Variants in ROBO2 observed in about 807,000 individuals in gnomAD.
ROBO2 encodes roundabout homolog 2.
ROBO2 carries 53 observed loss-of-function variants against 160.8 expected under a neutral mutation model. That is an observed-to-expected ratio of 0.33 (90% CI 0.26 to 0.41). ROBO2 has a LOEUF of 0.41. Among genes scored for constraint, ROBO2 ranks in the 10% least tolerant of loss-of-function variants. ROBO2 has a pLI of 1.00. For synonymous variants in ROBO2, 664 were observed against 611.7 expected (o/e 1.09, Z -1.26); for missense variants, 1,577 against 1,722.4 (o/e 0.92, Z 1.49).
chr3:76,873,585 C>A (rs377184964), intron 2 of ROBO2, among the ~76,000 whole-genome samples: 10 of 151,960 alleles, frequency 6.6e-5, no homozygotes, highest in East Asian at 5.8e-4. Flanking sequence ...TCGTCGTCGT[C>A]GTCGTTGTCG....
chr3:76,075,530 T>C (rs1484774960), intron 2 of ROBO2, among the ~76,000 whole-genome samples: 2 of 151,880 alleles, frequency 1.3e-5, no homozygotes, highest in East Asian at 3.9e-4. Context: ...AAAGCATAGA[T>C]GTGCTATTTG....
At chr3:76,741,124 A>G (rs2093795464) in intron 2 of ROBO2, among the ~76,000 whole-genome samples, 2 of 151,966 alleles carry the variant, frequency 1.3e-5, no homozygotes, top group Non-Finnish European at 2.9e-5. Context: ...TTTGGTGGGG[A>G]CTCGGTTTAT....
intron 2 of ROBO2, among the ~76,000 whole-genome samples, chr3:77,256,867 G>A (rs2058451708): frequency 6.6e-6 from 1 of 152,104 alleles, no homozygotes; most frequent in Non-Finnish European, 1.5e-5. Context: ...TTTGGAAAGT[G>A]GTCTCCAAAT....
intron 2 of ROBO2, among the ~76,000 whole-genome samples, chr3:75,947,026 G>T (rs979928586): frequency 2.0e-5 from 3 of 152,022 alleles, no homozygotes; most frequent in Non-Finnish European, 4.4e-5. Context: ...GAGAAAATCA[G>T]TTGAGATTGG....
intron 2 of ROBO2, among the ~76,000 whole-genome samples, chr3:76,369,466 TA>T (rs1437067072): frequency 1.3e-5 from 2 of 151,972 alleles, no homozygotes; most frequent in African/African-American, 4.8e-5. Context: ...ATAACCCCTT[TA>T]TGCTGATGAC....
intron 2 of ROBO2, among the ~76,000 whole-genome samples, chr3:76,702,944 C>T (rs1161156767): frequency 6.6e-6 from 1 of 152,064 alleles, no homozygotes; most frequent in Non-Finnish European, 1.5e-5. Flanking sequence ...CTAGAAAATA[C>T]ACTTAATCTT....
In ROBO2 at chr3:76,866,558, T is replaced by C. The variant is rs143029419; in HGVS notation, c.110-231456T>C. The stretch of plus-strand genomic sequence containing the variant: ...TAATCCATTTGGGAACTAATAATGA[T>C]AAATTCAGCACTATCCAAGACTCCA... On this transcript the variant is annotated intron_variant, in intron 2 of 26. Transcript: ENST00000487694. Among the ~76,000 whole-genome samples, 941 of 152,228 alleles carry C rather than the reference T, an allele frequency of 6.2e-3. 8 individuals carry two copies. The highest frequency in any genetic ancestry group is 0.022 in the African/African-American group (910 of 41,542).
chr3:76,883,444 T>G (rs1239887871), intron 2 of ROBO2, among the ~76,000 whole-genome samples: 1 of 152,156 alleles, frequency 6.6e-6, no homozygotes, highest in Non-Finnish European at 1.5e-5. Flanking sequence ...ATAAAAACAA[T>G]CTACTGACTT....
chr3:76,548,850 T>C (rs905428098), intron 2 of ROBO2, among the ~76,000 whole-genome samples: 8 of 152,120 alleles, frequency 5.3e-5, no homozygotes, highest in Non-Finnish European at 1.2e-4. Flanking sequence ...CAGAAAAATG[T>C]ATGACCGTGG....
chr3:77,488,466 C>A (rs2085655555), intron 4 of ROBO2, among the ~76,000 whole-genome samples: 1 of 152,090 alleles, frequency 6.6e-6, no homozygotes. Context: ...AAATCAGTGA[C>A]CTTGTTTTGA....
chr3:77,224,276 G>A (rs969392781), intron 2 of ROBO2, among the ~76,000 whole-genome samples: 3 of 152,028 alleles, frequency 2.0e-5, no homozygotes, highest in East Asian at 3.9e-4. Context: ...TGTCCCAATC[G>A]AAAGGCATTG....
intron 2 of ROBO2, among the ~76,000 whole-genome samples, chr3:76,586,267 T>C (rs911375131): frequency 6.6e-6 from 1 of 152,234 alleles, no homozygotes; most frequent in African/African-American, 2.4e-5. Context: ...TTCATGTAGG[T>C]TGTATTTTAC....
At chr3:77,220,231 C>T (rs765517371) in intron 2 of ROBO2, among the ~76,000 whole-genome samples, 23 of 152,018 alleles carry the variant, frequency 1.5e-4, no homozygotes, top group Admixed American at 3.3e-4. Context: ...AGGCTGGTCT[C>T]GAACTCCTGA....
intron 2 of ROBO2, among the ~76,000 whole-genome samples, chr3:77,270,000 G>A (rs1268359609): frequency 6.6e-6 from 1 of 152,120 alleles, no homozygotes; most frequent in Non-Finnish European, 1.5e-5. Flanking sequence ...AAAAAATGAT[G>A]ATGTAAATTG....
intron 2 of ROBO2, among the ~76,000 whole-genome samples, chr3:77,260,458 C>A (rs2058703168): frequency 6.6e-6 from 1 of 152,036 alleles, no homozygotes; most frequent in Admixed American, 6.6e-5. Flanking sequence ...GATTCACCTG[C>A]AACTTAGGAT....
chr3:77,035,124 G>A (rs555048332), upstream of ROBO2, among the ~76,000 whole-genome samples: 172 of 151,910 alleles, frequency 1.1e-3, 1 homozygote, highest in Non-Finnish European at 1.8e-3. Flanking sequence ...AAAATCATTA[G>A]CCTAGTATAG....
At chr3:76,627,990 T>C (rs1478148306) in intron 2 of ROBO2, among the ~76,000 whole-genome samples, 4 of 152,284 alleles carry the variant, frequency 2.6e-5, no homozygotes, top group Non-Finnish European at 5.9e-5. Context: ...TTAGTTACTT[T>C]GAATATATTA....
chr3:76,975,781 T>C (rs1006143273), intron 2 of ROBO2, among the ~76,000 whole-genome samples: 5 of 152,164 alleles, frequency 3.3e-5, no homozygotes, highest in African/African-American at 1.2e-4. Context: ...CATCCCAGCA[T>C]AGATTTTAAT....
chr3:76,802,897 G>A (rs2064336656), intron 2 of ROBO2, among the ~76,000 whole-genome samples: 1 of 152,110 alleles, frequency 6.6e-6, no homozygotes, highest in Non-Finnish European at 1.5e-5. Flanking sequence ...AAGGACAAAT[G>A]GTATTTGTGG....
Sources: allele counts gnomAD v4.1 joint callset (sites outside exome capture counted in the v4.1 genomes callset), GRCh38; gene constraint gnomAD v4.1.1; transcripts MANE v1.5; gene names NCBI Gene and HGNC (gene_info 2026-07-23, HGNC 2026-07-21).